The following ECD variants were observed in gnomAD, a reference collection of about 807,000 sequenced individuals.
The protein encoded by ECD is protein ecdysoneless homolog.
A neutral mutation model predicts 77.2 loss-of-function variants in ECD; 59 were observed. The observed-to-expected ratio is 0.76, with a 90% CI of 0.62 to 0.95. The LOEUF (loss-of-function observed/expected upper bound fraction) is 0.95, where lower values mean the gene tolerates loss of function less well. ECD is among the 40% of genes least tolerant of loss of function. The probability of loss-of-function intolerance (pLI) is 0.00; values close to 1 mark genes in which losing one functional copy is unlikely to be tolerated. For synonymous variants in ECD, 233 were observed against 267.4 expected, an observed-to-expected ratio of 0.87 and a Z score of 1.26; for missense variants, 704 against 763.4, an observed-to-expected ratio of 0.92 and a Z score of 0.92.
At chr10:73,151,539 AAG>A (rs1048447117) in intron 7 of ECD, among the ~76,000 whole-genome samples, 15 of 152,148 alleles carry the variant, frequency 9.9e-5, no homozygotes, top group Non-Finnish European at 2.1e-4. Flanking sequence ...TAAAAAAAAA[AAG>A]AAAATCTAGA....
rs1431012169 is a variant in ECD, at chr10:73,136,806, G to A, written c.1602C>T (p.Ser534=). The A allele has an allele frequency of 6.2e-7, 1 of 1,613,984 alleles. No homozygotes were observed. The highest frequency in any genetic ancestry group is 1.1e-5 in the South Asian group (1 of 91,066). ...FETHEPGEEA[S]LKGTLDNLKS... ...TGAGATTATCAAGTGTTCCTTTCAG[G>A]GAAGCCTCTTCGCCAGGTTCGTGTG... The change falls in exon 13 of 14, where the codon TCC becomes TCT. Residue 534 remains serine (S), a synonymous_variant. Coordinates refer to ENST00000372979, the MANE Select transcript of ECD (RefSeq NM_007265.3).
Position 73,146,270 on chromosome 10 carries a change from A to C in ECD, c.1127+6T>G, listed in dbSNP as rs781234009. Reference sequence around the variant, plus strand: ...CTTTGTAGTAGGAGTCTTAACAATAACTCACCTTTCTGGCCAGTCTACTGA... The same window carrying C: ...CTTTGTAGTAGGAGTCTTAACAATACCTCACCTTTCTGGCCAGTCTACTGA... On this transcript the variant is annotated splice_donor_region_variant and intron_variant, in intron 9 of 13. Coordinates refer to ENST00000372979, the MANE Select transcript of ECD (RefSeq NM_007265.3). The C allele has an allele frequency of 1.1e-5, 18 of 1,576,564 alleles. No individual in the cohort carries two copies. Among genetic ancestry groups the C allele is most frequent in the Non-Finnish European group, 1.5e-5 (17 of 1,153,600 alleles).
chr10:73,137,494 G>A (rs984088869), intron 12 of ECD, among the ~76,000 whole-genome samples: 1 of 152,158 alleles, frequency 6.6e-6, no homozygotes, highest in Non-Finnish European at 1.5e-5. Flanking sequence ...TATTTAATGA[G>A]GCCGGGCACG....
rs767058519 is a variant in ECD, at chr10:73,148,435, A to G, written c.913-31T>C. The G allele has an allele frequency of 5.6e-6, 9 of 1,601,722 alleles. No individual in the cohort carries two copies. In the African/African-American group the frequency reaches 1.1e-4, roughly 19 times the overall value. ...TGAGATAGGTAGAATTTTTGTTACTAAGTTCCTTTTTTCCCGTATCTTATT... is the reference window on the plus strand; with the variant it reads ...TGAGATAGGTAGAATTTTTGTTACTGAGTTCCTTTTTTCCCGTATCTTATT... On this transcript the variant is annotated intron_variant, in intron 7 of 13. Coordinates refer to ENST00000372979, the MANE Select transcript of ECD (RefSeq NM_007265.3).
chr10:73,150,179 T>C (rs905136955), intron 7 of ECD, among the ~76,000 whole-genome samples: 1 of 152,118 alleles, frequency 6.6e-6, no homozygotes, highest in Non-Finnish European at 1.5e-5. Context: ...AACAGAGATA[T>C]AGACTAATGG....
intron 7 of ECD, among the ~76,000 whole-genome samples, chr10:73,151,277 C>A (rs1279198054): frequency 6.7e-6 from 1 of 148,806 alleles, no homozygotes; most frequent in Non-Finnish European, 1.5e-5. Flanking sequence ...ATTGCAAGGA[C>A]AAAAAACCAA....
chr10:73,165,505 C>A (rs1410524509), intron 1 of ECD, among the ~76,000 whole-genome samples: 1 of 151,986 alleles, frequency 6.6e-6, no homozygotes, highest in Non-Finnish European at 1.5e-5. Flanking sequence ...GCGCACGCCA[C>A]CACACCTGGC....
At chr10:73,143,285 C>T (rs1843081585) in intron 9 of ECD, among the ~76,000 whole-genome samples, 1 of 152,210 alleles carries the variant, frequency 6.6e-6, no homozygotes, top group Non-Finnish European at 1.5e-5. Flanking sequence ...TCTCCTGCCT[C>T]AGCCTCCCGA....
At chr10:73,134,920 TA>T in intron 13 of ECD, 107 bp from the exon 14 acceptor site, 1 of 963,594 alleles carries the variant, frequency 1.0e-6, no homozygotes, top group Non-Finnish European at 1.5e-6. Flanking sequence ...CATTCCAAAT[TA>T]AAAAGGAAAC....
intron 1 of ECD, among the ~76,000 whole-genome samples, chr10:73,166,326 T>C (rs945455808): frequency 1.3e-5 from 2 of 152,216 alleles, no homozygotes; most frequent in African/African-American, 4.8e-5. Context: ...TTTCCTTTCT[T>C]TTGGGTAAAT....
chr10:73,163,586 T>C (rs1323210946), intron 2 of ECD, 147 bp downstream of exon 2: 2 of 709,666 alleles, frequency 2.8e-6, no homozygotes, highest in Non-Finnish European at 4.5e-6. Context: ...TAAGGCTAAC[T>C]GAATATAGAC....
intron 9 of ECD, among the ~76,000 whole-genome samples, chr10:73,141,231 C>T (rs985677466): frequency 1.3e-4 from 20 of 148,340 alleles, no homozygotes; most frequent in African/African-American, 4.3e-4. Flanking sequence ...TGGCCGGGTG[C>T]GGTGGCTCAC....
chr10:73,158,016 T>C (rs540228951), intron 3 of ECD, among the ~76,000 whole-genome samples: 23 of 152,086 alleles, frequency 1.5e-4, no homozygotes, highest in Admixed American at 3.3e-4. Context: ...GGCTGGAATG[T>C]AGTGGTGCAA....
In ECD at chr10:73,163,813, AT is replaced by A; in HGVS notation, c.124del (p.Ile42Ter). The part of the protein sequence containing the change: ...KEILQKYIER[I>X]ITRFAPMLVP... ...CAGCATAGGTGCAAACCGAGTGATT[AT>A]TCTCTCAATGTACTTCTGAAGAATC... is the stretch of plus-strand genomic sequence containing the variant. On this transcript the variant is annotated frameshift_variant, in exon 2 of 14. Coordinates refer to ENST00000372979, the MANE Select transcript of ECD (RefSeq NM_007265.3). LOFTEE classifies it high-confidence loss of function. 6 of 1,614,178 alleles carry A rather than the reference AT, an allele frequency of 3.7e-6. No individual in the cohort carries two copies. In the South Asian group the frequency reaches 6.6e-5, roughly 18 times the overall value.
intron 2 of ECD, 47 bp from the exon 3 acceptor site, chr10:73,160,598 T>C: frequency 7.3e-7 from 1 of 1,368,798 alleles, no homozygotes; most frequent in Non-Finnish European, 1.0e-6. Flanking sequence ...AATTTGTTAC[T>C]GCAAATAAAA....
intron 1 of ECD, among the ~76,000 whole-genome samples, chr10:73,167,040 GT>G (rs1843483334): frequency 6.6e-6 from 1 of 152,144 alleles, no homozygotes; most frequent in South Asian, 2.1e-4. Context: ...ACGGGTATCA[GT>G]TTTCCCAGTA....
chr10:73,134,902 T>A, intron 13 of ECD, 89 bp from the exon 14 acceptor site: 1 of 1,111,440 alleles, frequency 9.0e-7, no homozygotes, highest in Non-Finnish European at 1.3e-6. Flanking sequence ...AGCCACAATG[T>A]AAATTTGCAT....
chr10:73,134,871 G>A, intron 13 of ECD, 58 bp from the exon 14 acceptor site: 1 of 1,428,882 alleles, frequency 7.0e-7, no homozygotes, highest in South Asian at 1.2e-5. Context: ...TTGCATGGTG[G>A]TTACAATAAA....
Position 73,148,326 on chromosome 10 carries a change from G to A in ECD, c.991C>T (p.Pro331Ser). The change falls in exon 8 of 14, where the codon CCA becomes TCA. Residue 331 changes from proline (P) to serine (S), a missense_variant. Pro to Ser is a moderately conservative substitution (Grantham distance 74, BLOSUM62 -1). Transcript: ENST00000372979. ...DCKKSLVTAS[P>S]LWASFLESLK... ...CTTTCAAGGAAACTGGCCCAGAGTG[G>A]TGAGGCAGTCACAAGGGATTTCTTG... 2 of 1,613,952 alleles carry A rather than the reference G, an allele frequency of 1.2e-6. No individual in the cohort carries two copies. The highest frequency in any genetic ancestry group is 1.1e-5 in the South Asian group (1 of 91,026).
Sources: allele counts gnomAD v4.1 joint callset (sites outside exome capture counted in the v4.1 genomes callset), GRCh38; gene constraint gnomAD v4.1.1; transcripts MANE v1.5; gene names NCBI Gene and HGNC (gene_info 2026-07-23, HGNC 2026-07-21).